Variants in SHISA9 observed in about 807,000 individuals in gnomAD.
The protein encoded by SHISA9 is protein shisa-9.
In SHISA9, 13 loss-of-function variants were observed where a neutral mutation model predicts 38.0. The observed-to-expected ratio is 0.34, with a 90% CI of 0.22 to 0.54. The LOEUF is 0.54. Among genes scored for constraint, SHISA9 ranks in the 20% least tolerant of loss-of-function variants. SHISA9 has a pLI of 0.91. For synonymous variants in SHISA9, 275 were observed against 242.0 expected (o/e 1.14, Z -1.27); for missense variants, 538 against 575.8 (o/e 0.93, Z 0.67).
intron 2 of SHISA9, 81 bp from the exon 3 acceptor site, chr16:13,203,313 C>T: frequency 7.6e-7 from 1 of 1,319,276 alleles, no homozygotes; most frequent in African/African-American, 1.5e-5. Context: ...GAGTTTTGGT[C>T]TCCAGTGATG....
At chr16:13,304,512 C>T in the SHISA9 span, among the ~76,000 whole-genome samples, 1 of 152,164 alleles carries the variant, frequency 6.6e-6, no homozygotes. Flanking sequence ...CCTGCCCTGG[C>T]CTCCTAAAGT....
the SHISA9 span, among the ~76,000 whole-genome samples, chr16:13,477,972 A>T: frequency 6.6e-6 from 1 of 152,176 alleles, no homozygotes; most frequent in Non-Finnish European, 1.5e-5. Context: ...CTCAGAAAAT[A>T]AGTAAAATGA....
chr16:13,142,466 G>C (rs548481187), intron 2 of SHISA9, among the ~76,000 whole-genome samples: 2 of 152,102 alleles, frequency 1.3e-5, no homozygotes, highest in Non-Finnish European at 1.5e-5. Flanking sequence ...TTTATTGTAC[G>C]CTTCTGTGGC....
chr16:12,923,057 C>T (rs1429119288), intron 2 of SHISA9, among the ~76,000 whole-genome samples: 1 of 152,142 alleles, frequency 6.6e-6, no homozygotes, highest in African/African-American at 2.4e-5. Context: ...GAGCTCCTGA[C>T]CGCAGGTGAT....
At chr16:13,513,621 T>C in the SHISA9 span, among the ~76,000 whole-genome samples, 1 of 152,086 alleles carries the variant, frequency 6.6e-6, no homozygotes, top group Admixed American at 6.5e-5. Flanking sequence ...ATAAAGAAAA[T>C]GTGGTACATA....
the SHISA9 span, among the ~76,000 whole-genome samples, chr16:13,302,333 G>C: frequency 7.2e-4 from 109 of 152,310 alleles, no homozygotes; most frequent in Non-Finnish European, 7.6e-4. Context: ...AAGCTGGACA[G>C]AACCTCAAAG....
chr16:13,363,397 C>T, the SHISA9 span, among the ~76,000 whole-genome samples: 1 of 152,156 alleles, frequency 6.6e-6, no homozygotes, highest in Middle Eastern at 3.2e-3. Context: ...ACCTGGTAAA[C>T]ATTTGTGGAA....
chr16:13,034,723 A>G (rs943224199), intron 2 of SHISA9, among the ~76,000 whole-genome samples: 2 of 152,212 alleles, frequency 1.3e-5, no homozygotes, highest in Non-Finnish European at 1.5e-5. Flanking sequence ...AGGAGTGACT[A>G]TGTGCCAATT....
At chr16:13,211,245 C>A (rs2051116511) in intron 3 of SHISA9, among the ~76,000 whole-genome samples, 1 of 151,620 alleles carries the variant, frequency 6.6e-6, no homozygotes, top group Non-Finnish European at 1.5e-5. Flanking sequence ...GGTGGAGGTT[C>A]CAGTGAGTCG....
the SHISA9 span, among the ~76,000 whole-genome samples, chr16:13,522,890 C>T: frequency 6.6e-6 from 1 of 152,178 alleles, no homozygotes; most frequent in Non-Finnish European, 1.5e-5. Flanking sequence ...TGATGCAATT[C>T]AGCCCCTGTT....
At chr16:13,561,097 C>G in the SHISA9 span, among the ~76,000 whole-genome samples, 745 of 152,272 alleles carry the variant, frequency 4.9e-3, 9 homozygotes, top group African/African-American at 0.017. Context: ...CTCCTGACCT[C>G]AGGTGAACTG....
intron 3 of SHISA9, among the ~76,000 whole-genome samples, chr16:13,208,483 C>A (rs1393781671): frequency 6.8e-6 from 1 of 148,022 alleles, no homozygotes; most frequent in South Asian, 2.1e-4. Context: ...CTCCTATCAC[C>A]CAGGCTGGAG....
intron 3 of SHISA9, chr16:13,204,660 G>T (rs1428308923): frequency 6.6e-6 from 1 of 152,168 alleles, no homozygotes; most frequent in African/African-American, 2.4e-5. Flanking sequence ...GGGCAGCCTG[G>T]GGCTGCTACT....
the SHISA9 span, among the ~76,000 whole-genome samples, chr16:13,465,635 A>G: frequency 1.3e-5 from 2 of 152,198 alleles, no homozygotes; most frequent in Admixed American, 6.5e-5. Flanking sequence ...AGAAAAGTCA[A>G]CAAATCTCCA....
chr16:13,213,967 G>A (rs1259881262), intron 4 of SHISA9, among the ~76,000 whole-genome samples: 1 of 152,162 alleles, frequency 6.6e-6, no homozygotes, highest in Non-Finnish European at 1.5e-5. Context: ...TTAGAAATGA[G>A]GACATGATGT....
chr16:13,107,177 A>C (rs1386701451), intron 2 of SHISA9, among the ~76,000 whole-genome samples: 1 of 152,136 alleles, frequency 6.6e-6, no homozygotes, highest in Admixed American at 6.5e-5. Flanking sequence ...TCATGCCTAT[A>C]ATCCCAGCAC....
In SHISA9 at chr16:13,019,925, T is replaced by C. The variant is rs1273019406; in HGVS notation, c.691+103110T>C. Among the ~76,000 whole-genome samples, 176 of 92,912 alleles carry C rather than the reference T, an allele frequency of 1.9e-3. 1 individual carries two copies. Among genetic ancestry groups the C allele is most frequent in the Middle Eastern group, 0.011 (2 of 182 alleles). 61.0% of individuals were successfully genotyped at this position (92,912 alleles called of 152,430 possible). ...TTTCTTTCTTTCTTTCTTTCTTTCT[T>C]TCTTTCTTTCTTTCTTTCTTTCTTT... On this transcript the variant is annotated intron_variant, in intron 2 of 4. Transcript: ENST00000558583.
At chr16:13,337,857 C>T in the SHISA9 span, among the ~76,000 whole-genome samples, 1 of 152,138 alleles carries the variant, frequency 6.6e-6, no homozygotes, top group Non-Finnish European at 1.5e-5. Flanking sequence ...CTCTCCTGCT[C>T]TGCCATGTAA....
At chr16:13,082,875 G>T (rs1171229643) in intron 2 of SHISA9, among the ~76,000 whole-genome samples, 1 of 152,214 alleles carries the variant, frequency 6.6e-6, no homozygotes, top group African/African-American at 2.4e-5. Context: ...TGACCAAGGT[G>T]CAAATTGTAG....
Sources: allele counts gnomAD v4.1 joint callset (sites outside exome capture counted in the v4.1 genomes callset), GRCh38; gene constraint gnomAD v4.1.1; transcripts MANE v1.5; gene names NCBI Gene and HGNC (gene_info 2026-07-23, HGNC 2026-07-21).